Variants in JARID2 observed in about 807,000 individuals in gnomAD.
JARID2 encodes jumonji and AT-rich interaction domain containing 2.
JARID2 carries 21 observed loss-of-function variants against 125.6 expected under a neutral mutation model. The ratio of observed to expected loss-of-function variants is 0.17; its 90% CI spans 0.12 to 0.24. The LOEUF is 0.24. Among genes scored for constraint, JARID2 ranks in the 10% least tolerant of loss-of-function variants. The probability of loss-of-function intolerance (pLI) is 1.00; values close to 1 mark genes in which losing one functional copy is unlikely to be tolerated. For synonymous variants in JARID2, 736 were observed against 661.6 expected (o/e 1.11, Z -1.73); for missense variants, 1,303 against 1,639.6 (o/e 0.79, Z 3.55).
intron 1 of JARID2, among the ~76,000 whole-genome samples, chr6:15,337,486 G>A (rs1200128577): frequency 6.6e-6 from 1 of 152,152 alleles, no homozygotes; most frequent in African/African-American, 2.4e-5. Flanking sequence ...GCCACGATGG[G>A]GGAGGTGGGT....
intron 1 of JARID2, among the ~76,000 whole-genome samples, chr6:15,301,313 G>A (rs1181303035): frequency 6.6e-6 from 1 of 152,174 alleles, no homozygotes; most frequent in African/African-American, 2.4e-5. Context: ...GCATTTGGAA[G>A]TGACACCATA....
chr6:15,346,238 A>C (rs770731554), intron 1 of JARID2, among the ~76,000 whole-genome samples: 1 of 152,182 alleles, frequency 6.6e-6, no homozygotes, highest in African/African-American at 2.4e-5. Context: ...TCATTAGGAG[A>C]GTAATTCATT....
intron 1 of JARID2, among the ~76,000 whole-genome samples, chr6:15,283,572 G>A (rs555030227): frequency 2.6e-5 from 4 of 151,036 alleles, no homozygotes; most frequent in African/African-American, 7.3e-5. Context: ...TCGATCTGCC[G>A]ACCTTGTGCT....
At chr6:15,340,395 T>C (rs1763027563) in intron 1 of JARID2, among the ~76,000 whole-genome samples, 1 of 152,248 alleles carries the variant, frequency 6.6e-6, no homozygotes, top group Non-Finnish European at 1.5e-5. Context: ...ATTGTACTTT[T>C]GATACTTTGT....
At chr6:15,481,344 A>G (rs1769604880) in intron 5 of JARID2, among the ~76,000 whole-genome samples, 1 of 152,254 alleles carries the variant, frequency 6.6e-6, no homozygotes, top group Non-Finnish European at 1.5e-5. Flanking sequence ...CCTTAAAGAA[A>G]CTAGTCCAAT....
At chr6:15,321,645 G>A (rs1448714570) in intron 1 of JARID2, among the ~76,000 whole-genome samples, 2 of 152,064 alleles carry the variant, frequency 1.3e-5, no homozygotes, top group Non-Finnish European at 2.9e-5. Flanking sequence ...CAAGCCAATT[G>A]CTTGACTCTT....
At chr6:15,464,497 C>T (rs1333998406) in intron 4 of JARID2, among the ~76,000 whole-genome samples, 1 of 152,112 alleles carries the variant, frequency 6.6e-6, no homozygotes, top group Non-Finnish European at 1.5e-5. Context: ...ATGGATTGGC[C>T]GTGGCCCTTG....
intron 1 of JARID2, among the ~76,000 whole-genome samples, chr6:15,346,110 T>G (rs771423179): frequency 2.6e-5 from 4 of 152,198 alleles, no homozygotes; most frequent in Non-Finnish European, 5.9e-5. Flanking sequence ...AGGTTCAGGG[T>G]CTTTCATCTA....
Position 15,294,056 on chromosome 6 carries a change from T to G in JARID2, c.45+47472T>G, listed in dbSNP as rs547857841. Reference sequence around the variant, plus strand: ...AGTTGCAGTAGTCAGGACTTCTACTTCCAATAATAGGCAACAGCTGCCCCT... The same window carrying G: ...AGTTGCAGTAGTCAGGACTTCTACTGCCAATAATAGGCAACAGCTGCCCCT... On this transcript the variant is annotated intron_variant, in intron 1 of 17. Transcript: ENST00000341776. 1.8e-3 allele frequency among the ~76,000 whole-genome samples: 269 copies of G among 152,342 alleles called. 1 individual carries two copies. The highest frequency in any genetic ancestry group is 6.1e-3 in the African/African-American group (255 of 41,580).
chr6:15,381,159 C>G (rs1169870435), intron 2 of JARID2, among the ~76,000 whole-genome samples: 2 of 151,256 alleles, frequency 1.3e-5, no homozygotes, highest in African/African-American at 4.9e-5. Context: ...TGAGACCATC[C>G]TGGCTAACAT....
At chr6:15,300,137 C>T (rs1305504610) in intron 1 of JARID2, among the ~76,000 whole-genome samples, 1 of 152,156 alleles carries the variant, frequency 6.6e-6, no homozygotes, top group East Asian at 1.9e-4. Flanking sequence ...TTCTTTATCT[C>T]CTGCATTTGG....
chr6:15,261,845 G>A (rs1488881307), intron 1 of JARID2, among the ~76,000 whole-genome samples: 15 of 146,762 alleles, frequency 1.0e-4, no homozygotes, highest in East Asian at 4.1e-4. Context: ...GTGCAGTGGC[G>A]CAATCTTGGC....
At chr6:15,476,504 G>A (rs945757012) in intron 5 of JARID2, among the ~76,000 whole-genome samples, 1 of 152,210 alleles carries the variant, frequency 6.6e-6, no homozygotes, top group Non-Finnish European at 1.5e-5. Flanking sequence ...TCCCCAGGCA[G>A]ATGTTTTGTT....
At chr6:15,463,679 G>A (rs1768572366) in intron 4 of JARID2, among the ~76,000 whole-genome samples, 1 of 152,084 alleles carries the variant, frequency 6.6e-6, no homozygotes, top group Admixed American at 6.5e-5. Flanking sequence ...TGATCCTTCT[G>A]CCTTGACCTC....
At chr6:15,486,708 T>C (rs1691431470) in intron 5 of JARID2, among the ~76,000 whole-genome samples, 1 of 152,142 alleles carries the variant, frequency 6.6e-6, no homozygotes, top group Non-Finnish European at 1.5e-5. Flanking sequence ...TCATCTCTGT[T>C]GTCACTGATA....
chr6:15,385,113 A>T (rs547568889), intron 2 of JARID2, among the ~76,000 whole-genome samples: 2 of 152,276 alleles, frequency 1.3e-5, no homozygotes, highest in Admixed American at 1.3e-4. Flanking sequence ...GTGAAAGCGA[A>T]ATATCCTCAT....
rs1211078093 is a variant in JARID2 at position 15,415,634 on chromosome 6, G to A, written c.323+5269G>A. Among the ~76,000 whole-genome samples the A allele has an allele frequency of 3.5e-4, 51 of 145,988 alleles. 2 individuals carry two copies. The highest frequency in any genetic ancestry group is 4.7e-4 in the African/African-American group (18 of 38,090). ...TCCCTCCCGGTCGGGGCGGCTGGCC[G>A]GGCGGGGGGCTGACCCCCCCCACCT... On this transcript the variant is annotated intron_variant, in intron 3 of 17. Transcript: ENST00000341776.
At chr6:15,404,564 C>T (rs1367660203) in intron 2 of JARID2, among the ~76,000 whole-genome samples, 1 of 112,842 alleles carries the variant, frequency 8.9e-6, no homozygotes, top group Non-Finnish European at 1.9e-5. Flanking sequence ...CACACACACA[C>T]ACACACACAG....
intron 1 of JARID2, among the ~76,000 whole-genome samples, chr6:15,246,954 GTTA>G (rs1338207979): frequency 2.0e-5 from 3 of 152,188 alleles, no homozygotes; most frequent in African/African-American, 7.2e-5. Context: ...ATGAGCCTGT[GTTA>G]TTATTATTAA....
Sources: gnomAD v4.1 joint callset for allele counts (sites outside exome capture counted in the v4.1 genomes callset) on GRCh38, gnomAD v4.1.1 for gene constraint, MANE v1.5 for transcripts, NCBI Gene and HGNC (gene_info 2026-07-23, HGNC 2026-07-21) for gene names.